Variants in MIS18A observed in about 807,000 individuals in gnomAD.
MIS18A encodes the protein MIS18 kinetochore protein A.
A neutral mutation model predicts 25.0 loss-of-function variants in MIS18A; 14 were observed. The ratio of observed to expected loss-of-function variants is 0.56; its 90% CI spans 0.37 to 0.88. The LOEUF is 0.88. Among genes scored for constraint, MIS18A ranks in the 40% least tolerant of loss-of-function variants. MIS18A has a pLI of 0.00. For synonymous variants in MIS18A, 134 were observed against 118.6 expected (o/e 1.13, Z -0.84); for missense variants, 292 against 290.8 (o/e 1.00, Z -0.03).
At chr21:32,206,794 C>T in the MIS18A span, among the ~76,000 whole-genome samples, 1 of 152,106 alleles carries the variant, frequency 6.6e-6, no homozygotes, top group African/African-American at 2.4e-5. Flanking sequence ...GGTCACTCTC[C>T]AGCATCTTAA....
chr21:32,189,125 G>C, the MIS18A span, among the ~76,000 whole-genome samples: 1 of 40 alleles, frequency 0.025, no homozygotes, highest in South Asian at 0.25. Context: ...AAAGCAGGCG[G>C]TGTGCGGACA....
At chr21:32,243,098 T>TA in the MIS18A span, among the ~76,000 whole-genome samples, 1 of 152,116 alleles carries the variant, frequency 6.6e-6, no homozygotes, top group East Asian at 1.9e-4. Context: ...CACACCTTAT[T>TA]AAAAAAAATT....
chr21:32,258,239 A>G, the MIS18A span, among the ~76,000 whole-genome samples: 1 of 152,182 alleles, frequency 6.6e-6, no homozygotes, highest in East Asian at 1.9e-4. Context: ...ATTAACTTCC[A>G]GTGTAGAATG....
In MIS18A at chr21:32,268,796, T is replaced by G. The variant is rs1031905787; in HGVS notation, c.*241A>C. On this transcript the variant is annotated 3_prime_UTR_variant, in exon 5 of 5. Coordinates refer to ENST00000290130, the MANE Select transcript of MIS18A (RefSeq NM_018944.3). Reference sequence around the variant, plus strand: ...ATAGAAGTAATTCTACAATTTTGGGTTTTTTTTTTGAGAGAAGGTCTCACT... The same window carrying G: ...ATAGAAGTAATTCTACAATTTTGGGGTTTTTTTTTGAGAGAAGGTCTCACT... 19 of 204,916 alleles carry G rather than the reference T, an allele frequency of 9.3e-5. No individual in the cohort carries two copies. Among genetic ancestry groups the G allele is most frequent in the African/African-American group, 4.2e-4 (12 of 28,730 alleles). 12.7% of individuals were successfully genotyped at this position (204,916 alleles called of 1,614,324 possible).
chr21:32,177,962 T>C, the MIS18A span, among the ~76,000 whole-genome samples: 1 of 152,016 alleles, frequency 6.6e-6, no homozygotes, highest in Non-Finnish European at 1.5e-5. Flanking sequence ...ATACCCAGGC[T>C]GGAGTAGAGT....
chr21:32,191,757 T>C, the MIS18A span, among the ~76,000 whole-genome samples: 1 of 151,904 alleles, frequency 6.6e-6, no homozygotes, highest in Non-Finnish European at 1.5e-5. Flanking sequence ...TACAAAAAAT[T>C]AGCAGAGCGT....
Position 32,279,039 on chromosome 21 carries a change from G to A in MIS18A, c.-25C>T. 10 of 1,566,884 alleles carry A rather than the reference G, an allele frequency of 6.4e-6. No individual in the cohort carries two copies. Among genetic ancestry groups the A allele is most frequent in the East Asian group, 2.3e-5 (1 of 44,286 alleles). ...TTACCTACAAATCGCCCGCGCCCCA[G>A]AGCGCCATGGGAAAAAAAACCGCCG... On this transcript the variant is annotated 5_prime_UTR_variant, in exon 1 of 5. Coordinates refer to ENST00000290130, the MANE Select transcript of MIS18A (RefSeq NM_018944.3).
the MIS18A span, among the ~76,000 whole-genome samples, chr21:32,255,508 C>G: frequency 6.7e-6 from 1 of 149,208 alleles, no homozygotes; most frequent in Non-Finnish European, 1.5e-5. Flanking sequence ...CCTGGGATTA[C>G]GGGCGTGAGC....
chr21:32,200,262 T>C, the MIS18A span, among the ~76,000 whole-genome samples: 2 of 152,186 alleles, frequency 1.3e-5, no homozygotes, highest in East Asian at 1.9e-4. Context: ...GTTTGGCTCA[T>C]GGGGAGTAGT....
chr21:32,278,575 C>A (rs2123474404), intron 1 of MIS18A, 106 bp downstream of exon 1: 1 of 1,212,728 alleles, frequency 8.2e-7, no homozygotes, highest in East Asian at 2.6e-5. Context: ...TCTTAAAGTC[C>A]CTGGGCAGCC....
the MIS18A span, among the ~76,000 whole-genome samples, chr21:32,214,067 T>C: frequency 6.6e-6 from 1 of 151,962 alleles, no homozygotes; most frequent in Non-Finnish European, 1.5e-5. Flanking sequence ...GAAACCAGAG[T>C]AGACACTCTG....
chr21:32,175,127 T>C, the MIS18A span, among the ~76,000 whole-genome samples: 1 of 152,226 alleles, frequency 6.6e-6, no homozygotes, highest in Admixed American at 6.5e-5. Context: ...CTAACCTATA[T>C]AGCAGGTTAC....
At chr21:32,264,383 T>C (rs1229781932), downstream of MIS18A, among the ~76,000 whole-genome samples, 2 of 152,196 alleles carry the variant, frequency 1.3e-5, no homozygotes, top group African/African-American at 2.4e-5. Context: ...AAAAAATATA[T>C]AGCATTTCAG....
intron 1 of MIS18A, among the ~76,000 whole-genome samples, chr21:32,276,696 C>T (rs1456052677): frequency 6.6e-6 from 1 of 151,820 alleles, no homozygotes; most frequent in Non-Finnish European, 1.5e-5. Flanking sequence ...TTTAGGAGGC[C>T]GAAGCAGGGG....
chr21:32,165,226 G>A, the MIS18A span, among the ~76,000 whole-genome samples: 3 of 152,046 alleles, frequency 2.0e-5, no homozygotes, highest in Non-Finnish European at 2.9e-5. Context: ...CCAGCTACTC[G>A]GGAGGCTGAC....
intron 4 of MIS18A, 107 bp from the exon 5 acceptor site, chr21:32,269,224 ATACAT>A: frequency 1.2e-6 from 1 of 805,802 alleles, no homozygotes. Flanking sequence ...TGGATATGTC[ATACAT>A]TACAAGGTAG....
the MIS18A span, among the ~76,000 whole-genome samples, chr21:32,162,742 A>T: frequency 1.3e-5 from 2 of 152,206 alleles, no homozygotes; most frequent in Non-Finnish European, 2.9e-5. Flanking sequence ...TGAACAAATA[A>T]ATGAGTAAAT....
chr21:32,243,680 T>G, the MIS18A span, among the ~76,000 whole-genome samples: 4 of 152,202 alleles, frequency 2.6e-5, no homozygotes, highest in Non-Finnish European at 4.4e-5. Flanking sequence ...AATGTGAGCC[T>G]GTGTCCACTC....
intron 2 of MIS18A, among the ~76,000 whole-genome samples, chr21:32,274,076 A>G (rs1270734509): frequency 1.3e-5 from 2 of 152,092 alleles, no homozygotes; most frequent in Non-Finnish European, 2.9e-5. Context: ...GTTTACCCCA[A>G]TAGGCTGTGT....
Sources: gnomAD v4.1 joint callset for allele counts (sites outside exome capture counted in the v4.1 genomes callset) on GRCh38, gnomAD v4.1.1 for gene constraint, MANE v1.5 for transcripts, NCBI Gene and HGNC (gene_info 2026-07-23, HGNC 2026-07-21) for gene names.